The following OTOF variants were observed in gnomAD, a reference collection of about 807,000 sequenced individuals.
The protein encoded by OTOF is otoferlin.
A neutral mutation model predicts 236.8 loss-of-function variants in OTOF; 218 were observed. That is an observed-to-expected ratio of 0.92 (90% confidence interval 0.82 to 1.03). The LOEUF (loss-of-function observed/expected upper bound fraction) is 1.03, where lower values mean the gene tolerates loss of function less well. OTOF is among the 50% of genes least tolerant of loss of function. The probability of loss-of-function intolerance (pLI) is 0.00; values close to 1 mark genes in which losing one functional copy is unlikely to be tolerated. For missense variants in OTOF, 2,590 were observed against 2,694.4 expected, an observed-to-expected ratio of 0.96 and a Z score of 0.86; for synonymous variants, 1,041 against 1,072.5, an observed-to-expected ratio of 0.97 and a Z score of 0.57.
chr2:26,537,645 A>G (rs2148122755), intron 2 of OTOF, 71 bp downstream of exon 2: 1 of 1,189,448 alleles, frequency 8.4e-7, no homozygotes. Flanking sequence ...TGTGCCCGCA[A>G]GAGGCAGCGA....
chr2:26,484,507 T>C lies in OTOF; in HGVS notation c.1172A>G (p.Lys391Arg), dbSNP rs766461363. Residue 391 changes from lysine to arginine, a missense_variant, in exon 12 of 47, where the codon AAG becomes AGG. This residue lies in a region of OTOF where 1,379 missense variants were observed against 1,341.6 expected (regional missense o/e 1.03). Transcript: ENST00000272371. ...GTCATCTTCGTCGGTCTCATTGGCC[T>C]TGTGGGGCGTCTTGATGTTGTCCCC... ...GKGDNIKTPH[K>R]ANETDEDDIE... 6.2e-7 allele frequency: 1 copy of C among 1,614,034 alleles called. No individual in the cohort carries two copies. Among genetic ancestry groups the C allele is most frequent in the Non-Finnish European group, 8.5e-7 (1 of 1,180,022 alleles).
At chr2:26,489,115 C>G in intron 11 of OTOF, 96 bp downstream of exon 11, 2 of 898,062 alleles carry the variant, frequency 2.2e-6, no homozygotes, top group East Asian at 2.6e-5. Flanking sequence ...TCCTTGCCAG[C>G]CTTTTCCCAG....
rs1483266830 is a variant in OTOF, at chr2:26,461,743, G to C, written c.5486C>G (p.Thr1829Ser). ...ETEYKIPARL[T>S]LQIWDADHFS... ...GTGGTCCGCATCCCAGATCTGCAGG[G>C]TGAGCCGCGCGGGGATCTTGTACTC... Residue 1829 changes from threonine to serine, a missense_variant, in exon 43 of 47, where the codon ACC becomes AGC. By Grantham distance (58) the Thr-to-Ser change is moderately conservative. Coordinates refer to ENST00000272371, the MANE Select transcript of OTOF (RefSeq NM_194248.3). This position sits in a 1 kb window ranked among gnomAD's most constrained non-coding sequence, Gnocchi z 6.2. 5.0e-6 allele frequency: 8 copies of C among 1,614,076 alleles called. No homozygotes were observed. Among genetic ancestry groups the C allele is most frequent in the Non-Finnish European group, 5.9e-6 (7 of 1,180,044 alleles).
rs748726078 is a variant in OTOF at position 26,495,953 on chromosome 2, TC to T, written c.766-881del. On this transcript the variant is annotated intron_variant, in intron 8 of 46. Transcript: ENST00000272371. ...CGTCTTTGCATTTCTGGAATTTGGC[TC>T]CCCCCCCTTTCCACATTGTTTGCTG... Among the ~76,000 whole-genome samples, 255 of 151,996 alleles carry T rather than the reference TC, an allele frequency of 1.7e-3. 7 individuals carry two copies. The East Asian group carries it at 0.037, about 22-fold the overall frequency.
chr2:26,465,037 A>AG lies in OTOF; in HGVS notation c.4800-9dup. 6.8e-7 allele frequency: 1 copy of AG among 1,467,866 alleles called. No homozygotes were observed. The highest frequency in any genetic ancestry group is 2.5e-5 in the East Asian group (1 of 40,666). The allele number at this position is 1,467,866 out of a possible 1,614,324, so 90.9% of individuals were successfully genotyped here. Reference sequence around the variant, plus strand: ...CAGATATTGTAGCCATGTCTGTGGGAGGGGACACACAGGCTTGGAGGGGCT... The same window carrying AG: ...CAGATATTGTAGCCATGTCTGTGGGAGGGGGACACACAGGCTTGGAGGGGCT... On this transcript the variant is annotated splice_polypyrimidine_tract_variant and intron_variant, in intron 38 of 46. Coordinates refer to ENST00000272371, the MANE Select transcript of OTOF (RefSeq NM_194248.3).
At position 26,469,103 on chromosome 2, in the gene OTOF, A is replaced by T. The variant is rs184098331; in HGVS notation, c.4024-629T>A. ...CAATAAATATTTACATTTTCTACTTAAAAAAGTACAGTGCATTTTAATGTT... is the reference window on the plus strand; with the variant it reads ...CAATAAATATTTACATTTTCTACTTTAAAAAGTACAGTGCATTTTAATGTT... On this transcript the variant is annotated intron_variant, in intron 32 of 46. Coordinates refer to ENST00000272371, the MANE Select transcript of OTOF (RefSeq NM_194248.3). 4.5e-4 allele frequency among the ~76,000 whole-genome samples: 68 copies of T among 152,354 alleles called. 1 individual carries two copies. In the South Asian group the frequency reaches 5.8e-3, roughly 13 times the overall value.
In OTOF at chr2:26,471,132, T is replaced by C. The variant is rs1465239468; in HGVS notation, c.3883A>G (p.Lys1295Glu). The stretch of plus-strand genomic sequence containing the variant: ...GCCCCCACACTCACCACATCCACCT[T>C]GACAACAGCTTCAGAAGTCTGCAGA... ...KLDATSEAVV[K>E]VDVAEEEKEK... The change falls in exon 31 of 47, where the codon AAG becomes GAG. Residue 1295 changes from lysine to glutamate, a missense_variant. Around this residue, in one of 2 missense-constraint regions of OTOF, gnomAD observed 1,211 missense variants for 1,352.8 expected, o/e 0.90. Coordinates refer to ENST00000272371, the MANE Select transcript of OTOF (RefSeq NM_194248.3). 1 of 1,613,904 alleles carries C rather than the reference T, an allele frequency of 6.2e-7. No homozygotes were observed. The highest frequency in any genetic ancestry group is 8.5e-7 in the Non-Finnish European group (1 of 1,179,982).
At chr2:26,520,199 G>C (rs1200945851) in intron 3 of OTOF, among the ~76,000 whole-genome samples, 1 of 152,162 alleles carries the variant, frequency 6.6e-6, no homozygotes, top group East Asian at 1.9e-4. Context: ...AGGCACAAAG[G>C]GGAGGGAAGC....
chr2:26,496,957 C>T (rs182305298), intron 8 of OTOF, among the ~76,000 whole-genome samples: 70 of 152,234 alleles, frequency 4.6e-4, no homozygotes, highest in African/African-American at 1.4e-3. Flanking sequence ...TTCAGCTAAG[C>T]GGTTGATCTC....
chr2:26,493,857 A>G (rs1665909578), intron 9 of OTOF, among the ~76,000 whole-genome samples: 1 of 152,188 alleles, frequency 6.6e-6, no homozygotes, highest in Non-Finnish European at 1.5e-5. Context: ...AGGGACTTGC[A>G]CACTAGGAGA....
chr2:26,479,412 G>A, intron 17 of OTOF, 28 bp from the exon 18 acceptor site: 2 of 1,610,550 alleles, frequency 1.2e-6, no homozygotes, highest in Non-Finnish European at 1.7e-6. Flanking sequence ...GGGAGGTGAG[G>A]TCTTGGGGGC....
chr2:26,463,649 A>C, intron 40 of OTOF, 78 bp from the exon 41 acceptor site: 1 of 1,223,112 alleles, frequency 8.2e-7, no homozygotes. Flanking sequence ...CTCCCTCCTA[A>C]CCTTTGTTCT....
intron 5 of OTOF, among the ~76,000 whole-genome samples, chr2:26,508,057 T>G (rs1426341813): frequency 6.6e-6 from 1 of 152,228 alleles, no homozygotes; most frequent in East Asian, 1.9e-4. Context: ...TGGATTATTC[T>G]GAAAGCTAAT....
intron 33 of OTOF, 67 bp from the exon 34 acceptor site, chr2:26,467,568 C>T (rs1364467782): frequency 9.0e-6 from 14 of 1,551,342 alleles, no homozygotes; most frequent in Non-Finnish European, 4.4e-6. Flanking sequence ...ATTCGAGACC[C>T]AGCTCTGTCG....
chr2:26,468,280 G>C (rs1033124772), intron 33 of OTOF, 128 bp downstream of exon 33: 49 of 774,470 alleles, frequency 6.3e-5, no homozygotes, highest in Non-Finnish European at 1.1e-4. Flanking sequence ...TACTGATGCT[G>C]CTTCCCTGGC....
chr2:26,510,630 C>T (rs536921798), intron 5 of OTOF: 14 of 1,015,590 alleles, frequency 1.4e-5, no homozygotes, highest in Non-Finnish European at 1.2e-5. Flanking sequence ...CCATCCCGCC[C>T]TCCACAGCCT....
At chr2:26,476,821 C>T (rs1665319686) in intron 22 of OTOF, 70 bp downstream of exon 22, 1 of 1,455,418 alleles carries the variant, frequency 6.9e-7, no homozygotes, top group Non-Finnish European at 9.5e-7. Flanking sequence ...CTCAGGCTTC[C>T]AGCCCCAGGT....
At chr2:26,507,856 A>T (rs1470255122) in intron 5 of OTOF, among the ~76,000 whole-genome samples, 1 of 152,214 alleles carries the variant, frequency 6.6e-6, no homozygotes, top group Admixed American at 6.5e-5. Flanking sequence ...GAGGAAAAAA[A>T]TGCTAAAATT....
chr2:26,477,058 G>A lies in OTOF; in HGVS notation c.2524-15C>T, dbSNP rs765157921. 1.5e-5 allele frequency: 23 copies of A among 1,526,544 alleles called. 2 individuals are homozygous for A. The South Asian group carries it at 2.4e-4, about 16-fold the overall frequency. 94.6% of individuals were successfully genotyped at this position (1,526,544 alleles called of 1,614,324 possible). ...CTGTGCTGGGGCTGGGGGTTGGGGG[G>A]TGGCCAGGGGCAGTGGGTAAGGGGG... On this transcript the variant is annotated splice_polypyrimidine_tract_variant and intron_variant, in intron 21 of 46. Transcript: ENST00000272371. This position sits in a 1 kb window ranked among gnomAD's most constrained non-coding sequence, Gnocchi z 4.7.
Sources: gnomAD v4.1 joint callset for allele counts (sites outside exome capture counted in the v4.1 genomes callset) on GRCh38, gnomAD v4.1.1 for gene constraint, gnomAD v4.1.1 regional missense constraint, Gnocchi (gnomAD v3.1) non-coding constraint, MANE v1.5 for transcripts, NCBI Gene and HGNC (gene_info 2026-07-23, HGNC 2026-07-21) for gene names.